Variants in SH3TC1 observed in about 807,000 individuals in gnomAD.
The protein encoded by SH3TC1 is SH3 domain and tetratricopeptide repeat-containing protein 1.
A neutral mutation model predicts 117.3 loss-of-function variants in SH3TC1; 135 were observed. The ratio of observed to expected loss-of-function variants is 1.15; its 90% CI spans 1.00 to 1.33. The LOEUF (loss-of-function observed/expected upper bound fraction) is 1.33. Ranked by LOEUF, SH3TC1 falls within the 40% of genes most tolerant of loss-of-function variation. SH3TC1 has a pLI of 0.00. For synonymous variants in SH3TC1, 898 were observed against 816.9 expected (o/e 1.10, Z -1.69); for missense variants, 2,092 against 1,794.3 (o/e 1.17, Z -3.00).
intron 11 of SH3TC1, among the ~76,000 whole-genome samples, chr4:8,226,587 C>T (rs981123394): frequency 6.6e-6 from 1 of 152,228 alleles, no homozygotes; most frequent in African/African-American, 2.4e-5. Flanking sequence ...CATTTGTAGT[C>T]GTAGTGCTGC....
Position 8,228,581 on chromosome 4 carries a change from C to G in SH3TC1, c.2887C>G (p.Gln963Glu). 1 of 1,590,298 alleles carries G rather than the reference C, an allele frequency of 6.3e-7. No homozygotes were observed. Among genetic ancestry groups the G allele is most frequent in the Non-Finnish European group, 8.5e-7 (1 of 1,169,740 alleles). ...GHLCTRQGPA[Q>E]QGKGYYEWAL... ...TCTCTGCACCCGCCAGGGCCCGGCC[C>G]AGCAGGGCAAGGGCTACTACGAGTG... The change falls in exon 12 of 18, where the codon CAG becomes GAG. Residue 963 changes from glutamine to glutamate, a missense_variant. Gln to Glu is a conservative substitution (Grantham distance 29). Transcript: ENST00000245105.
At chr4:8,217,787 G>C (rs1221967506) in intron 7 of SH3TC1, among the ~76,000 whole-genome samples, 1 of 152,232 alleles carries the variant, frequency 6.6e-6, no homozygotes, top group Non-Finnish European at 1.5e-5. Context: ...TGCCATCTGG[G>C]AAAGAGGGAT....
At chr4:8,195,073 A>T (rs1281119), upstream of SH3TC1, among the ~76,000 whole-genome samples, 138,988 of 152,140 alleles carry the variant, frequency 0.91, 64,563 homozygotes, top group East Asian at 1. Context: ...ATCAGGAGAC[A>T]CTCACCAGCA....
chr4:8,212,773 G>C lies in SH3TC1; in HGVS notation c.320G>C (p.Arg107Pro). 6.2e-7 allele frequency: 1 copy of C among 1,611,532 alleles called. No homozygotes were observed. The highest frequency in any genetic ancestry group is 1.1e-5 in the South Asian group (1 of 90,630). ...LRDPGLQQTL[R>P]GQLRLLENDS... is the part of the protein sequence containing the mutation. ...GACCCCGGCCTACAGCAGACCCTCC[G>C]GGGCCAGCTCCGCCTGCTGGAGAAT... Residue 107 changes from arginine (R) to proline (P), a missense_variant, in exon 4 of 18, where the codon CGG (arginine) becomes CCG (proline). Transcript: ENST00000245105.
chr4:8,232,708 G>C, intron 13 of SH3TC1: 1 of 1,290,252 alleles, frequency 7.8e-7, no homozygotes, highest in Non-Finnish European at 1.0e-6. Flanking sequence ...CACCCACAGG[G>C]CCCAGTGACA....
At position 8,236,327 on chromosome 4, in the gene SH3TC1, T is replaced by C. The variant is rs1721811468; in HGVS notation, c.3455T>C (p.Leu1152Pro). 6.4e-7 allele frequency: 1 copy of C among 1,553,746 alleles called. No homozygotes were observed. The highest frequency in any genetic ancestry group is 2.4e-5 in the East Asian group (1 of 41,354). ...ACTACGGGCAACCGCAAGGCGGAGCTGCGGCTGTGCAACAAGCTGGTGGCA... is the reference window on the plus strand; with the variant it reads ...ACTACGGGCAACCGCAAGGCGGAGCCGCGGCTGTGCAACAAGCTGGTGGCA... ...AVTTGNRKAE[L>P]RLCNKLVALL... The change falls in exon 16 of 18, where the codon CTG (leucine) becomes CCG (proline). Residue 1152 changes from leucine to proline, a missense_variant. Transcript: ENST00000245105.
In SH3TC1 at chr4:8,208,451, T is replaced by G. The variant is rs1360932392; in HGVS notation, c.173-1297T>G. 2.0e-5 allele frequency among the ~76,000 whole-genome samples: 3 copies of G among 148,898 alleles called. No individual in the cohort carries two copies. In the Admixed American group the frequency reaches 2.0e-4, roughly 10 times the overall value. On this transcript the variant is annotated intron_variant, in intron 2 of 17. Coordinates refer to ENST00000245105, the MANE Select transcript of SH3TC1 (RefSeq NM_018986.5). ...GGTGTGATCTCGACTCACTACAACCTCCGCCTCCTGGGTTCAAGTGATTCT... is the reference window on the plus strand; with the variant it reads ...GGTGTGATCTCGACTCACTACAACCGCCGCCTCCTGGGTTCAAGTGATTCT...
chr4:8,182,671 C>T (rs1049746684), intron 1 of SH3TC1, among the ~76,000 whole-genome samples: 2 of 152,154 alleles, frequency 1.3e-5, no homozygotes, highest in South Asian at 2.1e-4. Context: ...GTGTTGGTGC[C>T]CAGGGCAGTG....
rs748032888 is a variant in SH3TC1 at position 8,237,643 on chromosome 4, C to T, written c.3726C>T (p.Leu1242=). The T allele has an allele frequency of 1.2e-4, 197 of 1,596,208 alleles. 4 individuals carry two copies. The Admixed American group carries it at 2.8e-3, about 23-fold the overall frequency. Residue 1242 remains leucine (L), a synonymous_variant, in exon 17 of 18, where the codon CTC becomes CTT. Transcript: ENST00000245105. ...ACTACGTGAAGGTGTACCTGGTGCT[C>T]GGTGACATCATCTTCTACGACCTGA... ...TLYYVKVYLV[L]GDIIFYDLKD...
Position 8,209,710 on chromosome 4 carries a change from T to G in SH3TC1, c.173-38T>G, listed in dbSNP as rs1411205587. ...GCCTTCAGAGGAGCCAGGCCTTTGC[T>G]TGGTCTCCCCTAATCCTGGGAACCT... On this transcript the variant is annotated intron_variant, in intron 2 of 17. Coordinates refer to ENST00000245105, the MANE Select transcript of SH3TC1 (RefSeq NM_018986.5). This position sits in a 1 kb window ranked among gnomAD's most constrained non-coding sequence, Gnocchi z 5.9. 6 of 1,612,920 alleles carry G rather than the reference T, an allele frequency of 3.7e-6. No homozygotes were observed. Among genetic ancestry groups the G allele is most frequent in the Non-Finnish European group, 5.1e-6 (6 of 1,179,794 alleles).
At chr4:8,215,339 G>A (rs761587319) in intron 5 of SH3TC1, 2 of 439,150 alleles carry the variant, frequency 4.6e-6, no homozygotes, top group Non-Finnish European at 9.3e-6. Flanking sequence ...CTTGATTTGA[G>A]GGCTAAGTGA....
chr4:8,231,596 G>A (rs1478158417), intron 12 of SH3TC1: 2 of 219,168 alleles, frequency 9.1e-6, no homozygotes, highest in Non-Finnish European at 1.8e-5. Context: ...TGCCGTGTGT[G>A]GCAGACGTGA....
intron 1 of SH3TC1, among the ~76,000 whole-genome samples, chr4:8,202,526 C>T (rs776178540): frequency 6.6e-6 from 1 of 152,250 alleles, no homozygotes; most frequent in East Asian, 1.9e-4. Flanking sequence ...CCGGCCCCCA[C>T]AGGTCCTGGT....
intron 12 of SH3TC1, among the ~76,000 whole-genome samples, chr4:8,229,563 G>T (rs986664561): frequency 6.6e-6 from 1 of 151,738 alleles, no homozygotes; most frequent in East Asian, 2.0e-4. Flanking sequence ...CAGGGCCTAT[G>T]CAGGGAGGTG....
chr4:8,182,902 C>T (rs940940675), intron 1 of SH3TC1, among the ~76,000 whole-genome samples: 4 of 152,300 alleles, frequency 2.6e-5, no homozygotes, highest in African/African-American at 9.6e-5. Flanking sequence ...GGCCAGGGTT[C>T]CCACCTGCCA....
chr4:8,220,466 G>A (rs1027018440), intron 9 of SH3TC1, among the ~76,000 whole-genome samples: 3 of 152,136 alleles, frequency 2.0e-5, no homozygotes, highest in Admixed American at 1.3e-4. Flanking sequence ...TCCCAGCCAG[G>A]GAACTCCAAG....
At chr4:8,219,634 C>A (rs1025269002) in intron 9 of SH3TC1, 104 bp downstream of exon 9, 1 of 1,243,690 alleles carries the variant, frequency 8.0e-7, no homozygotes, top group Non-Finnish European at 1.1e-6. Flanking sequence ...CTGAAAGTCA[C>A]TGTGGACGAT....
rs1215276331 is a variant in SH3TC1 at position 8,210,195 on chromosome 4, A to T, written c.247+373A>T. Among the ~76,000 whole-genome samples the T allele has an allele frequency of 6.6e-6, 1 of 151,972 alleles. No homozygotes were observed. Among genetic ancestry groups the T allele is most frequent in the East Asian group, 1.9e-4 (1 of 5,148 alleles). On this transcript the variant is annotated intron_variant, in intron 3 of 17. Transcript: ENST00000245105. This position sits in a 1 kb window ranked among gnomAD's most constrained non-coding sequence, Gnocchi z 4.1. The stretch of plus-strand genomic sequence containing the variant: ...CAGGCACAGGCTTCCCAGGGATGGG[A>T]TCGCCGCAGGGCACAGGTGGAGGGA...
chr4:8,198,589 C>T (rs1264489544), upstream of SH3TC1, among the ~76,000 whole-genome samples: 1 of 152,254 alleles, frequency 6.6e-6, no homozygotes, highest in African/African-American at 2.4e-5. Context: ...GTGCTTTGGC[C>T]TTGGGTCTGC....
Sources: gnomAD v4.1 joint callset for allele counts (sites outside exome capture counted in the v4.1 genomes callset) on GRCh38, gnomAD v4.1.1 for gene constraint, Gnocchi (gnomAD v3.1) non-coding constraint, MANE v1.5 for transcripts, NCBI Gene and HGNC (gene_info 2026-07-23, HGNC 2026-07-21) for gene names.